SLC25A26: variants seen among roughly 807,000 people sequenced by gnomAD.
The protein encoded by SLC25A26 is solute carrier family 25 member 26.
SLC25A26 carries 36 observed loss-of-function variants against 37.8 expected under a neutral mutation model. The observed-to-expected ratio is 0.95, with a 90% CI of 0.73 to 1.26. The LOEUF (loss-of-function observed/expected upper bound fraction) is 1.26, where lower values mean the gene tolerates loss of function less well. Ranked by LOEUF, SLC25A26 falls within the 50% of genes most tolerant of loss-of-function variation. SLC25A26 has a pLI of 0.00. For synonymous variants in SLC25A26, 129 were observed against 122.5 expected, an observed-to-expected ratio of 1.05 and a Z score of -0.35; for missense variants, 390 against 331.1, an observed-to-expected ratio of 1.18 and a Z score of -1.38.
chr3:66,168,161 AT>A (rs1202298922), intron 1 of SLC25A26, among the ~76,000 whole-genome samples: 9 of 68,732 alleles, frequency 1.3e-4, no homozygotes, highest in African/African-American at 6.4e-4. Context: ...CTCAAAAAAA[AT>A]ATATATATAT....
At chr3:66,183,591 T>A (rs1031117400) in intron 1 of SLC25A26, among the ~76,000 whole-genome samples, 13 of 152,056 alleles carry the variant, frequency 8.5e-5, no homozygotes, top group African/African-American at 3.1e-4. Context: ...ACACTCCTTC[T>A]GAATCTGACC....
chr3:66,346,269 T>C, intron 5 of SLC25A26, 95 bp from the exon 6 acceptor site: 3 of 592,638 alleles, frequency 5.1e-6, no homozygotes, highest in Admixed American at 3.7e-5. Context: ...AGCTTTGTTA[T>C]AAAGTTGAAA....
In SLC25A26 at chr3:66,221,188, G is replaced by A. The variant is rs533302956; in HGVS notation, c.33+61G>A. 7.4e-6 allele frequency: 11 copies of A among 1,478,584 alleles called. No homozygotes were observed. In the East Asian group the frequency reaches 7.8e-5, roughly 10 times the overall value. 91.6% of individuals were successfully genotyped at this position (1,478,584 alleles called of 1,614,324 possible). ...GCCGGCGTCCGGCATTGGAGCCCGC[G>A]GGCGTTCTCTGCACTGGTTTTCTTC... is the stretch of plus-strand genomic sequence containing the variant. On this transcript the variant is annotated intron_variant, in intron 1 of 9. Coordinates refer to ENST00000354883, the MANE Select transcript of SLC25A26 (RefSeq NM_001379210.1).
chr3:66,322,861 A>T (rs1575564654), intron 5 of SLC25A26, among the ~76,000 whole-genome samples: 1 of 152,214 alleles, frequency 6.6e-6, no homozygotes, highest in East Asian at 1.9e-4. Flanking sequence ...ATTTTCTGCA[A>T]GTTTTTAATA....
chr3:66,267,903 C>T (rs2073817421), intron 5 of SLC25A26, among the ~76,000 whole-genome samples: 1 of 152,166 alleles, frequency 6.6e-6, no homozygotes, highest in Non-Finnish European at 1.5e-5. Flanking sequence ...AAACGGGAAC[C>T]TTCAGCGATC....
At chr3:66,183,469 T>A (rs963135470) in intron 1 of SLC25A26, among the ~76,000 whole-genome samples, 1 of 152,036 alleles carries the variant, frequency 6.6e-6, no homozygotes, top group Non-Finnish European at 1.5e-5. Context: ...CCCGAACATA[T>A]GGCCCTCACG....
chr3:66,341,975 A>T (rs530837148), intron 5 of SLC25A26, among the ~76,000 whole-genome samples: 137 of 152,166 alleles, frequency 9.0e-4, no homozygotes, highest in African/African-American at 3.2e-3. Context: ...TAGGTCTTCA[A>T]CTTCATTTGT....
chr3:66,326,642 T>G (rs1353338978), intron 5 of SLC25A26, among the ~76,000 whole-genome samples: 1 of 152,166 alleles, frequency 6.6e-6, no homozygotes, highest in Admixed American at 6.5e-5. Context: ...TGGACAAGCC[T>G]GGGTTCCCGA....
intron 5 of SLC25A26, among the ~76,000 whole-genome samples, chr3:66,313,732 C>G (rs915627522): frequency 6.6e-6 from 1 of 152,114 alleles, no homozygotes; most frequent in Non-Finnish European, 1.5e-5. Flanking sequence ...TTTTGTAATA[C>G]TGATTCTTCC....
Position 66,370,511 on chromosome 3 carries a change from CTT to C in SLC25A26, c.634-16_634-15del, listed in dbSNP as rs753044427. ...GAGCTTCAGAAGATAACGGGTTTCTCTTTGTCTGTTCACACAGGCTGGCTCCA... is the reference window on the plus strand; with the variant it reads ...GAGCTTCAGAAGATAACGGGTTTCTCTGTCTGTTCACACAGGCTGGCTCCA... On this transcript the variant is annotated splice_polypyrimidine_tract_variant and intron_variant, in intron 8 of 9. Coordinates refer to ENST00000354883, the MANE Select transcript of SLC25A26 (RefSeq NM_001379210.1). The C allele has an allele frequency of 2.2e-5, 35 of 1,611,012 alleles. No homozygotes were observed. The highest frequency in any genetic ancestry group is 2.8e-5 in the Non-Finnish European group (33 of 1,177,850).
intron 5 of SLC25A26, among the ~76,000 whole-genome samples, chr3:66,277,352 G>A (rs1019472065): frequency 5.3e-5 from 8 of 152,006 alleles, no homozygotes; most frequent in African/African-American, 1.9e-4. Context: ...ATAACAGAAA[G>A]ACAAATATTG....
intron 6 of SLC25A26, among the ~76,000 whole-genome samples, chr3:66,360,578 T>G (rs750485513): frequency 1.3e-5 from 2 of 152,214 alleles, no homozygotes; most frequent in African/African-American, 2.4e-5. Flanking sequence ...AAATCAATTG[T>G]GTTGATAACC....
chr3:66,311,017 C>T (rs946560332), intron 5 of SLC25A26, among the ~76,000 whole-genome samples: 1 of 152,018 alleles, frequency 6.6e-6, no homozygotes, highest in Non-Finnish European at 1.5e-5. Flanking sequence ...CTCTGTATTT[C>T]CTGAATTTGA....
chr3:66,253,031 C>CT (rs1337804568), intron 3 of SLC25A26, among the ~76,000 whole-genome samples: 2 of 148,258 alleles, frequency 1.3e-5, no homozygotes, highest in Non-Finnish European at 3.0e-5. Context: ...ATGCCCCCCC[C>CT]CCCCCATAAA....
intron 1 of SLC25A26, among the ~76,000 whole-genome samples, chr3:66,145,272 A>G (rs1476169115): frequency 6.6e-6 from 1 of 152,220 alleles, no homozygotes; most frequent in Non-Finnish European, 1.5e-5. Context: ...TAAGGTTTGC[A>G]TGAGTGAATG....
At chr3:66,163,257 G>A (rs2070384168) in intron 1 of SLC25A26, among the ~76,000 whole-genome samples, 3 of 152,194 alleles carry the variant, frequency 2.0e-5, no homozygotes, top group Admixed American at 2.0e-4. Flanking sequence ...AATCTGTCAG[G>A]GGCCAGCATT....
At chr3:66,354,930 C>A (rs923013518) in intron 6 of SLC25A26, among the ~76,000 whole-genome samples, 12 of 152,174 alleles carry the variant, frequency 7.9e-5, no homozygotes, top group Non-Finnish European at 1.6e-4. Flanking sequence ...CCTCCCCAGC[C>A]ATATGAAACT....
intron 2 of SLC25A26, among the ~76,000 whole-genome samples, chr3:66,239,740 G>T (rs554243664): frequency 6.6e-6 from 1 of 151,588 alleles, no homozygotes; most frequent in African/African-American, 2.4e-5. Flanking sequence ...AAGAAAAAAG[G>T]TACTTTGCAG....
At chr3:66,325,950 C>T (rs1435857044) in intron 5 of SLC25A26, among the ~76,000 whole-genome samples, 1 of 151,984 alleles carries the variant, frequency 6.6e-6, no homozygotes. Flanking sequence ...TTGCAGTTGT[C>T]CAGGTGAAAA....
Sources: allele counts gnomAD v4.1 joint callset (sites outside exome capture counted in the v4.1 genomes callset), GRCh38; gene constraint gnomAD v4.1.1; transcripts MANE v1.5; gene names NCBI Gene and HGNC (gene_info 2026-07-23, HGNC 2026-07-21).